Variants in DAPK1 observed in about 807,000 individuals in gnomAD.
The protein encoded by DAPK1 is death-associated protein kinase 1.
In DAPK1, 56 loss-of-function variants were observed where a neutral mutation model predicts 144.9. The ratio of observed to expected loss-of-function variants is 0.39; its 90% CI spans 0.31 to 0.48. The LOEUF is 0.48. Among genes scored for constraint, DAPK1 ranks in the 20% least tolerant of loss-of-function variants. The pLI, the probability that DAPK1 is intolerant of heterozygous loss-of-function variation, is 0.95. For missense variants in DAPK1, 1,454 were observed against 1,875.4 expected (o/e 0.78, Z 4.15); for synonymous variants, 690 against 749.0 (o/e 0.92, Z 1.29).
chr9:87,568,455 G>T (rs1827211854), intron 2 of DAPK1, among the ~76,000 whole-genome samples: 1 of 152,232 alleles, frequency 6.6e-6, no homozygotes, highest in Admixed American at 6.5e-5. Context: ...CATTTGAAAA[G>T]AGTTTTGTTG....
At chr9:87,680,521 G>T (rs183841628) in intron 19 of DAPK1, among the ~76,000 whole-genome samples, 2 of 152,326 alleles carry the variant, frequency 1.3e-5, no homozygotes, top group Admixed American at 1.3e-4. Context: ...AATCAAAAGT[G>T]CTAGTAGCTA....
chr9:87,686,168 G>A lies in DAPK1; in HGVS notation c.2225-383G>A, dbSNP rs1342707519. 6.6e-6 allele frequency among the ~76,000 whole-genome samples: 1 copy of A among 152,184 alleles called. No individual in the cohort carries two copies. On this transcript the variant is annotated intron_variant, in intron 20 of 25. Coordinates refer to ENST00000408954, the MANE Select transcript of DAPK1 (RefSeq NM_004938.4). The surrounding 1 kb of genome is among the most constrained non-coding windows in gnomAD (Gnocchi z 4.2). ...GGAGCTGGAGGAAGACAGAGACTGC[G>A]AGTATCAGCAAAGTAGCAGGAAGTG...
chr9:87,682,862 C>G (rs995483738), intron 20 of DAPK1, among the ~76,000 whole-genome samples: 2 of 152,128 alleles, frequency 1.3e-5, no homozygotes, highest in African/African-American at 2.4e-5. Context: ...CCCAGAACAT[C>G]TGGTGCCTGA....
At position 87,499,084 on chromosome 9, in the gene DAPK1, G is replaced by A. The variant is rs779739080; in HGVS notation, c.7G>A (p.Val3Met). MT[V>M]FRQENVDDYY... ...TGAGGCGTGACAGTTTATCATGACC[G>A]TGTTCAGGCAGGAAAACGTGGATGA... Residue 3 changes from valine to methionine, a missense_variant, in exon 2 of 26, where the codon GTG becomes ATG. Val to Met is a conservative substitution (Grantham distance 21). Around this residue, in one of 2 missense-constraint regions of DAPK1, gnomAD observed 429 missense variants for 637.5 expected, o/e 0.67. Coordinates refer to ENST00000408954, the MANE Select transcript of DAPK1 (RefSeq NM_004938.4). 1.2e-6 allele frequency: 2 copies of A among 1,614,078 alleles called. No individual in the cohort carries two copies. The highest frequency in any genetic ancestry group is 1.7e-6 in the Non-Finnish European group (2 of 1,179,980).
chr9:87,703,170 G>T lies in DAPK1; in HGVS notation c.3013G>T (p.Glu1005Ter). Reference protein sequence around the residue: ...VQDQLNPLASEEDLRRIAQQL... With the variant: ...VQDQLNPLAS ...GGACCAGCTGAACCCCCTGGCCAGC[G>T]AGGAGGACCTCAGGCGCATTGCTCA... Residue 1005 changes from glutamate (E) to a stop codon, truncating the protein, a stop_gained, in exon 25 of 26, where the codon GAG (glutamate) becomes TAG (stop). Coordinates refer to ENST00000408954, the MANE Select transcript of DAPK1 (RefSeq NM_004938.4). LOFTEE classifies it high-confidence loss of function. The T allele has an allele frequency of 6.2e-7, 1 of 1,612,932 alleles. No individual in the cohort carries two copies.
intron 18 of DAPK1, among the ~76,000 whole-genome samples, chr9:87,665,001 G>T (rs1831000792): frequency 6.6e-6 from 1 of 152,168 alleles, no homozygotes; most frequent in Non-Finnish European, 1.5e-5. Flanking sequence ...TCTTCCCCAG[G>T]TATCCATGTG....
chr9:87,658,257 C>T lies in DAPK1; in HGVS notation c.1923+130C>T. The T allele has an allele frequency of 5.0e-6, 3 of 603,596 alleles. 1 individual carries two copies. The South Asian group carries it at 5.9e-5, about 12-fold the overall frequency. 37.4% of individuals were successfully genotyped at this position (603,596 alleles called of 1,614,324 possible). ...GCCAGGCTGCTGTTCAGCCATAGCTCCTCCACTGCGGTAACATAGACATTC... is the reference window on the plus strand; with the variant it reads ...GCCAGGCTGCTGTTCAGCCATAGCTTCTCCACTGCGGTAACATAGACATTC... On this transcript the variant is annotated intron_variant, in intron 18 of 25. Transcript: ENST00000408954.
intron 2 of DAPK1, among the ~76,000 whole-genome samples, chr9:87,500,493 G>C (rs1197258699): frequency 6.6e-6 from 1 of 152,028 alleles, no homozygotes; most frequent in African/African-American, 2.4e-5. Context: ...GAAGAAAAAA[G>C]CAAAAAAATA....
chr9:87,528,837 A>C (rs1368130122), intron 2 of DAPK1, among the ~76,000 whole-genome samples: 6 of 140,000 alleles, frequency 4.3e-5, no homozygotes, highest in Non-Finnish European at 4.5e-5. Context: ...GCGCCACTGC[A>C]CTCCAGCCTG....
chr9:87,567,498 G>T (rs745897252), intron 2 of DAPK1, among the ~76,000 whole-genome samples: 2 of 152,174 alleles, frequency 1.3e-5, no homozygotes, highest in Non-Finnish European at 2.9e-5. Flanking sequence ...GAAAGACCAG[G>T]TGTGGATCAG....
intron 2 of DAPK1, among the ~76,000 whole-genome samples, chr9:87,582,849 A>G (rs182223280): frequency 1.5e-3 from 222 of 152,110 alleles, no homozygotes; most frequent in Non-Finnish European, 2.2e-3. Context: ...CACCGCGCCC[A>G]GCCAGTTCTC....
At chr9:87,620,309 C>G (rs1468127368) in intron 3 of DAPK1, among the ~76,000 whole-genome samples, 3 of 152,220 alleles carry the variant, frequency 2.0e-5, no homozygotes, top group African/African-American at 4.8e-5. Flanking sequence ...AATTCCAGCT[C>G]TTTCCCCTTT....
At chr9:87,539,468 C>T (rs1487962698) in intron 2 of DAPK1, among the ~76,000 whole-genome samples, 2 of 129,160 alleles carry the variant, frequency 1.5e-5, no homozygotes, top group East Asian at 2.2e-4. Flanking sequence ...CTCGCTCTGT[C>T]ACCCAGGCTG....
chr9:87,676,592 G>T (rs555835797), intron 19 of DAPK1, among the ~76,000 whole-genome samples: 1 of 152,360 alleles, frequency 6.6e-6, no homozygotes, highest in African/African-American at 2.4e-5. Flanking sequence ...CTTTCAAGAT[G>T]ATGGTGAATT....
intron 21 of DAPK1, among the ~76,000 whole-genome samples, chr9:87,692,195 A>G (rs1040667089): frequency 2.0e-5 from 3 of 151,458 alleles, no homozygotes; most frequent in African/African-American, 7.3e-5. Flanking sequence ...TAGAACTGTT[A>G]TATCTTCTTG....
At chr9:87,637,435 A>G (rs1829940390) in intron 3 of DAPK1, among the ~76,000 whole-genome samples, 1 of 152,156 alleles carries the variant, frequency 6.6e-6, no homozygotes, top group African/African-American at 2.4e-5. Context: ...TTACATACAA[A>G]CCAATACTAG....
At chr9:87,700,376 AGAAAG>A (rs1299586541) in intron 24 of DAPK1, 139 bp downstream of exon 24, 19 of 651,456 alleles carry the variant, frequency 2.9e-5, no homozygotes, top group Admixed American at 1.9e-4. Context: ...CCCTGGGAAA[AGAAAG>A]GAAGAATAGA....
At chr9:87,555,512 T>TA (rs1826678840) in intron 2 of DAPK1, among the ~76,000 whole-genome samples, 1 of 152,092 alleles carries the variant, frequency 6.6e-6, no homozygotes, top group Admixed American at 6.6e-5. Flanking sequence ...AGTTATTTTT[T>TA]TTTTTTTTGA....
intron 2 of DAPK1, among the ~76,000 whole-genome samples, chr9:87,579,430 G>T (rs1827675609): frequency 1.3e-5 from 2 of 152,192 alleles, no homozygotes; most frequent in Non-Finnish European, 2.9e-5. Flanking sequence ...GCAAAGCCAT[G>T]CAGGTTAATA....
Sources: allele counts gnomAD v4.1 joint callset (sites outside exome capture counted in the v4.1 genomes callset), GRCh38; gene constraint gnomAD v4.1.1; regional missense constraint gnomAD v4.1.1; non-coding constraint Gnocchi (gnomAD v3.1); transcripts MANE v1.5; gene names NCBI Gene and HGNC (gene_info 2026-07-23, HGNC 2026-07-21).